TARS3: variants seen among roughly 807,000 people sequenced by gnomAD.
TARS3 encodes the protein threonine--tRNA ligase 2, cytoplasmic.
In TARS3, 94 loss-of-function variants were observed where a neutral mutation model predicts 103.5. The ratio of observed to expected loss-of-function variants is 0.91; its 90% CI spans 0.77 to 1.08. TARS3 has a LOEUF of 1.08. TARS3 is among the 50% of genes least tolerant of loss of function. The pLI is 0.00. For synonymous variants in TARS3, 416 were observed against 355.4 expected, an observed-to-expected ratio of 1.17 and a Z score of -1.92; for missense variants, 952 against 995.2, an observed-to-expected ratio of 0.96 and a Z score of 0.58.
intron 3 of TARS3, among the ~76,000 whole-genome samples, chr15:101,720,596 T>C (rs984819724): frequency 6.6e-6 from 1 of 152,146 alleles, no homozygotes; most frequent in Non-Finnish European, 1.5e-5. Flanking sequence ...CTTATTTACA[T>C]GGCCCTTGGA....
chr15:101,676,075 G>A (rs1322795815), intron 12 of TARS3, among the ~76,000 whole-genome samples: 1 of 152,220 alleles, frequency 6.6e-6, no homozygotes, highest in East Asian at 1.9e-4. Context: ...GGAGCTCTGT[G>A]AGCAGAGGAC....
intron 12 of TARS3, among the ~76,000 whole-genome samples, chr15:101,683,270 T>A (rs1252120255): frequency 6.6e-6 from 1 of 152,230 alleles, no homozygotes; most frequent in African/African-American, 2.4e-5. Flanking sequence ...TTAAATCGCA[T>A]CCTACAAATT....
At chr15:101,679,309 GTTCTT>G (rs1898160010) in intron 12 of TARS3, among the ~76,000 whole-genome samples, 1 of 152,006 alleles carries the variant, frequency 6.6e-6, no homozygotes. Flanking sequence ...CTCAGGCTCT[GTTCTT>G]TTCTCTTTCA....
At chr15:101,669,953 T>A (rs1187293650) in intron 15 of TARS3, among the ~76,000 whole-genome samples, 1 of 152,238 alleles carries the variant, frequency 6.6e-6, no homozygotes, top group Non-Finnish European at 1.5e-5. Flanking sequence ...TCTTACATCA[T>A]CTGATGTGTG....
rs1346898982 is a variant in TARS3 at position 101,684,130 on chromosome 15, G to A, written c.1595C>T (p.Thr532Ile). The change falls in exon 12 of 19, where the codon ACC becomes ATC. Residue 532 changes from threonine to isoleucine, a missense_variant. By Grantham distance (89) the Thr-to-Ile change is moderately conservative. Coordinates refer to ENST00000335968, the MANE Select transcript of TARS3 (RefSeq NM_152334.3). ...GTCCTGCTGGAAGCGCCTCACTCTG[G>A]TCAAGCCGCTGAGAGTCCCCGACAG... Reference protein sequence around the residue: ...NELSGTLSGLTRVRRFQQDDA... With the variant: ...NELSGTLSGLIRVRRFQQDDA... 1 of 1,613,932 alleles carries A rather than the reference G, an allele frequency of 6.2e-7. No individual in the cohort carries two copies. Among genetic ancestry groups the A allele is most frequent in the Non-Finnish European group, 8.5e-7 (1 of 1,179,930 alleles).
In TARS3 at chr15:101,724,148, G is replaced by C. The variant is rs1263020611; in HGVS notation, c.240C>G (p.Ser80Arg). The C allele has an allele frequency of 2.7e-6, 4 of 1,464,316 alleles. No homozygotes were observed. In the Admixed American group the frequency reaches 9.2e-5, roughly 34 times the overall value. The allele number at this position is 1,464,316 out of a possible 1,614,324, so 90.7% of individuals were successfully genotyped here. The change falls in exon 1 of 19, where the codon AGC becomes AGG. Residue 80 changes from serine (S) to arginine (R), a missense_variant. By Grantham distance (110) the Ser-to-Arg change is moderately radical. Around this residue, in one of 2 missense-constraint regions of TARS3, gnomAD observed 412 missense variants for 364.2 expected, o/e 1.13. Coordinates refer to ENST00000335968, the MANE Select transcript of TARS3 (RefSeq NM_152334.3). ...CCGCGCTCTCCAGCGTGGCCTGGCG[G>C]CTCCGCTCCTCGGCGAGGCACAGCC... is the stretch of plus-strand genomic sequence containing the variant. The part of the protein sequence containing the change: ...SLRLCLAEER[S>R]RQATLESAEL...
At chr15:101,693,828 T>A (rs972319707) in intron 10 of TARS3, among the ~76,000 whole-genome samples, 5 of 152,138 alleles carry the variant, frequency 3.3e-5, no homozygotes, top group Non-Finnish European at 5.9e-5. Context: ...ATTCCATTTA[T>A]ATGCCAATAT....
chr15:101,716,120 G>A (rs1490303101), intron 3 of TARS3, among the ~76,000 whole-genome samples: 8 of 151,902 alleles, frequency 5.3e-5, no homozygotes, highest in Non-Finnish European at 1.0e-4. Context: ...GGGTTCAAGC[G>A]ATTCTCCTGC....
chr15:101,715,070 G>A, intron 3 of TARS3, 107 bp from the exon 4 acceptor site: 1 of 1,085,162 alleles, frequency 9.2e-7, no homozygotes. Context: ...TGTATAAAAA[G>A]TACAAACATA....
rs1047772403 is a variant in TARS3 at position 101,653,680 on chromosome 15, G to A, written c.*902C>T. ...AACTAAATGATCAGTATATTGAAAA[G>A]AGATTATTTCTTACATTTCTTTTGA... On this transcript the variant is annotated 3_prime_UTR_variant, in exon 19 of 19. Coordinates refer to ENST00000335968, the MANE Select transcript of TARS3 (RefSeq NM_152334.3). 1.3e-5 allele frequency: 2 copies of A among 151,402 alleles called. No homozygotes were observed. The highest frequency in any genetic ancestry group is 4.9e-5 in the African/African-American group (2 of 40,660). 9.4% of individuals were successfully genotyped at this position (151,402 alleles called of 1,614,324 possible). A position where few individuals can be genotyped will look rare whatever the true frequency, so the allele number is the denominator to read the frequency against.
chr15:101,672,627 C>T (rs1052553550), intron 13 of TARS3, among the ~76,000 whole-genome samples: 3 of 151,252 alleles, frequency 2.0e-5, no homozygotes, highest in African/African-American at 7.3e-5. Flanking sequence ...CTCCTGGAGT[C>T]CTGGCAGCCT....
intron 4 of TARS3, among the ~76,000 whole-genome samples, chr15:101,712,649 A>C (rs8035859): frequency 0.22 from 34,105 of 152,134 alleles, 4,056 homozygotes; most frequent in Admixed American, 0.25. Context: ...CAGTCCTCCA[A>C]GTTCAAAAAG....
intron 5 of TARS3, among the ~76,000 whole-genome samples, chr15:101,710,073 T>C (rs959694190): frequency 1.6e-4 from 25 of 152,194 alleles, no homozygotes; most frequent in African/African-American, 5.3e-4. Flanking sequence ...GGGCTAGAGA[T>C]TGGGTTATCA....
chr15:101,724,286 G>T lies in TARS3; in HGVS notation c.102C>A (p.Asp34Glu), dbSNP rs201623356. 5.7e-4 allele frequency: 890 copies of T among 1,573,040 alleles called. 1 individual carries two copies. In the African/African-American group the frequency reaches 0.011, roughly 20 times the overall value. The change falls in exon 1 of 19, where the codon GAC becomes GAA. Residue 34 changes from aspartate (D) to glutamate (E), a missense_variant. By Grantham distance (45) the Asp-to-Glu change is conservative. Coordinates refer to ENST00000335968, the MANE Select transcript of TARS3 (RefSeq NM_152334.3). ...WLWSEVERLRDEQLNAPYSCQ... is the reference protein window; with the variant it reads ...WLWSEVERLREEQLNAPYSCQ... ...AGCTGTAGGGCGCGTTCAGCTGCTC[G>T]TCCCTCAGGCGCTCGACCTCCGACC...
intron 10 of TARS3, among the ~76,000 whole-genome samples, chr15:101,700,552 A>C (rs1276725041): frequency 6.6e-6 from 1 of 152,234 alleles, no homozygotes; most frequent in Non-Finnish European, 1.5e-5. Context: ...TTATATGGAC[A>C]AAAAGTGAAT....
chr15:101,719,201 C>A (rs1900318656), intron 3 of TARS3, among the ~76,000 whole-genome samples: 1 of 152,058 alleles, frequency 6.6e-6, no homozygotes, highest in Admixed American at 6.5e-5. Flanking sequence ...CCACTCCCTG[C>A]TATATTTCTC....
At chr15:101,672,544 G>A (rs1313431394) in intron 13 of TARS3, among the ~76,000 whole-genome samples, 1 of 152,058 alleles carries the variant, frequency 6.6e-6, no homozygotes, top group East Asian at 1.9e-4. Context: ...GCCTCATGGG[G>A]AAATCAGAGC....
chr15:101,707,988 A>G (rs1341452372), intron 6 of TARS3, among the ~76,000 whole-genome samples: 1 of 152,212 alleles, frequency 6.6e-6, no homozygotes, highest in Non-Finnish European at 1.5e-5. Context: ...TCACGCCTGT[A>G]ATCCCAGCAC....
In TARS3 at chr15:101,724,252, C is replaced by A; in HGVS notation, c.136G>T (p.Glu46Ter). Residue 46 changes from glutamate (E) to a stop codon, truncating the protein, a stop_gained, in exon 1 of 19, where the codon GAG (glutamate) becomes TAG (stop). Transcript: ENST00000335968. LOFTEE classifies it high-confidence loss of function. ...QLNAPYSCQAEGPCLTREVAQ... is the reference protein window; with the variant it reads ...QLNAPYSCQA ...ACCTCCCGCGTGAGGCACGGCCCCT[C>A]CGCCTGGCAGCTGTAGGGCGCGTTC... is the stretch of plus-strand genomic sequence containing the variant. 1 of 1,560,048 alleles carries A rather than the reference C, an allele frequency of 6.4e-7. No individual in the cohort carries two copies. The highest frequency in any genetic ancestry group is 1.8e-5 in the Admixed American group (1 of 54,544).
Sources: allele counts gnomAD v4.1 joint callset (sites outside exome capture counted in the v4.1 genomes callset), GRCh38; gene constraint gnomAD v4.1.1; regional missense constraint gnomAD v4.1.1; transcripts MANE v1.5; gene names NCBI Gene and HGNC (gene_info 2026-07-23, HGNC 2026-07-21).